Variants in RYR2 observed in about 807,000 individuals in gnomAD.
RYR2 encodes cardiac muscle ryanodine receptor-calcium release channel.
In RYR2, 227 loss-of-function variants were observed where a neutral mutation model predicts 601.1. That is an observed-to-expected ratio of 0.38 (90% CI 0.34 to 0.42). The LOEUF (loss-of-function observed/expected upper bound fraction) is 0.42, where lower values mean the gene tolerates loss of function less well. Ranked by LOEUF, RYR2 falls within the 10% of genes least tolerant of loss-of-function variation. The pLI, the probability that RYR2 is intolerant of heterozygous loss-of-function variation, is 1.00. For synonymous variants in RYR2, 2,223 were observed against 2,175.1 expected (o/e 1.02, Z -0.61); for missense variants, 4,646 against 6,156.5 (o/e 0.75, Z 8.21).
At chr1:237,607,573 A>AT (rs1325287975) in intron 35 of RYR2, among the ~76,000 whole-genome samples, 2 of 152,332 alleles carry the variant, frequency 1.3e-5, no homozygotes, top group Non-Finnish European at 2.9e-5. Context: ...TTAAAGTATA[A>AT]TAAAAAAAAG....
At chr1:237,084,331 T>C (rs1031226155) in intron 1 of RYR2, among the ~76,000 whole-genome samples, 8 of 152,158 alleles carry the variant, frequency 5.3e-5, no homozygotes, top group African/African-American at 1.7e-4. Context: ...GCTAATGTTA[T>C]AAAGCAGTTA....
intron 1 of RYR2, among the ~76,000 whole-genome samples, chr1:237,102,212 G>A (rs923483619): frequency 6.6e-6 from 1 of 152,188 alleles, no homozygotes; most frequent in Non-Finnish European, 1.5e-5. Flanking sequence ...CAGGTGGGGG[G>A]AGTGCTCCAA....
chr1:237,162,078 T>C (rs1676078138), intron 1 of RYR2, among the ~76,000 whole-genome samples: 1 of 152,220 alleles, frequency 6.6e-6, no homozygotes, highest in Non-Finnish European at 1.5e-5. Flanking sequence ...TTCTGCTTCC[T>C]GTGGCAAATG....
chr1:237,233,117 G>A (rs532375258), intron 1 of RYR2, among the ~76,000 whole-genome samples: 9 of 152,338 alleles, frequency 5.9e-5, no homozygotes, highest in Admixed American at 3.9e-4. Flanking sequence ...TACAGAAAAA[G>A]AGTGTGAAGA....
At chr1:237,584,391 AGTG>A (rs1344283118) in intron 29 of RYR2, among the ~76,000 whole-genome samples, 1 of 152,184 alleles carries the variant, frequency 6.6e-6, no homozygotes, top group Non-Finnish European at 1.5e-5. Context: ...TGATGTAGAC[AGTG>A]GTATACAATG....
At chr1:237,203,773 T>C (rs1462725659) in intron 1 of RYR2, among the ~76,000 whole-genome samples, 1 of 152,172 alleles carries the variant, frequency 6.6e-6, no homozygotes, top group Non-Finnish European at 1.5e-5. Context: ...TTTTGAGAAA[T>C]GTATACACAC....
intron 79 of RYR2, among the ~76,000 whole-genome samples, chr1:237,738,315 C>A (rs1244833954): frequency 6.6e-6 from 1 of 152,088 alleles, no homozygotes; most frequent in Non-Finnish European, 1.5e-5. Context: ...CACTGTTAGT[C>A]CACTAGTGTC....
intron 3 of RYR2, among the ~76,000 whole-genome samples, chr1:237,345,089 G>T (rs1477561099): frequency 6.6e-6 from 1 of 152,146 alleles, no homozygotes; most frequent in Non-Finnish European, 1.5e-5. Context: ...GATTACATGT[G>T]TGAGCCACTG....
At chr1:237,383,153 T>C (rs1301787264) in intron 8 of RYR2, among the ~76,000 whole-genome samples, 1 of 152,134 alleles carries the variant, frequency 6.6e-6, no homozygotes, top group Middle Eastern at 3.2e-3. Context: ...TGATAAAACT[T>C]ATTGACCTCA....
chr1:237,338,413 A>G (rs951384144), intron 3 of RYR2, among the ~76,000 whole-genome samples: 2 of 152,196 alleles, frequency 1.3e-5, no homozygotes, highest in African/African-American at 2.4e-5. Flanking sequence ...AAATTTAAGT[A>G]TATTTTCATA....
chr1:237,215,789 G>A (rs1000451343), intron 1 of RYR2, among the ~76,000 whole-genome samples: 1 of 152,096 alleles, frequency 6.6e-6, no homozygotes, highest in African/African-American at 2.4e-5. Flanking sequence ...GATCAATACT[G>A]TTTACAAAAT....
At chr1:237,047,389 C>CT (rs3056166) in intron 1 of RYR2, among the ~76,000 whole-genome samples, 49,597 of 123,496 alleles carry the variant, frequency 0.4, 10,918 homozygotes, top group Non-Finnish European at 0.44. Context: ...CCTTTCTAGC[C>CT]TTTTTTTTTT....
intron 98 of RYR2, among the ~76,000 whole-genome samples, chr1:237,804,914 T>C (rs1168197506): frequency 6.6e-6 from 1 of 152,206 alleles, no homozygotes; most frequent in African/African-American, 2.4e-5. Flanking sequence ...GGTTCTTCTC[T>C]ACTGGGGAAC....
chr1:237,501,337 G>A (rs1402386037), intron 21 of RYR2, among the ~76,000 whole-genome samples: 2 of 151,554 alleles, frequency 1.3e-5, no homozygotes, highest in Non-Finnish European at 2.9e-5. Context: ...TATCCTTTTT[G>A]TTGATGAGGC....
rs79552153 is a variant in RYR2, at chr1:237,647,154, T to C, written c.7343-1290T>C. 3.9e-3 allele frequency among the ~76,000 whole-genome samples: 590 copies of C among 152,354 alleles called. 10 individuals carry two copies. Among genetic ancestry groups the C allele is most frequent in the African/African-American group, 0.014 (570 of 41,588 alleles). On this transcript the variant is annotated intron_variant, in intron 48 of 104. Transcript: ENST00000366574. ...AGATTTTTAATTGAAAATCATAATA[T>C]ACTGATTTGACACTAAGGTTAAGTC... is the stretch of plus-strand genomic sequence containing the variant.
chr1:237,521,453 G>A (rs567486772), intron 24 of RYR2, among the ~76,000 whole-genome samples: 1 of 152,162 alleles, frequency 6.6e-6, no homozygotes, highest in Admixed American at 6.5e-5. Context: ...CCTGAGGTCA[G>A]GTGAGCCTGT....
chr1:237,625,842 C>T, intron 40 of RYR2, 38 bp downstream of exon 40: 1 of 1,604,854 alleles, frequency 6.2e-7, no homozygotes, highest in Non-Finnish European at 8.5e-7. Flanking sequence ...AATGACCCAA[C>T]TGCTGACACT....
intron 8 of RYR2, among the ~76,000 whole-genome samples, chr1:237,381,319 T>A (rs968855231): frequency 1.5e-5 from 2 of 136,772 alleles, no homozygotes; most frequent in African/African-American, 5.4e-5. Context: ...GAAGAAGAGA[T>A]AGTTGGGAAA....
chr1:237,400,704 A>G (rs1267050989), intron 10 of RYR2, among the ~76,000 whole-genome samples: 1 of 151,968 alleles, frequency 6.6e-6, no homozygotes, highest in Non-Finnish European at 1.5e-5. Context: ...CAACCTCCCC[A>G]CTCCCACTGA....
Sources: gnomAD v4.1 joint callset for allele counts (sites outside exome capture counted in the v4.1 genomes callset) on GRCh38, gnomAD v4.1.1 for gene constraint, MANE v1.5 for transcripts, NCBI Gene and HGNC (gene_info 2026-07-23, HGNC 2026-07-21) for gene names.